Variants in ADGRA3 observed in about 807,000 individuals in gnomAD.
The protein encoded by ADGRA3 is G-protein coupled receptor 125.
A neutral mutation model predicts 119.8 loss-of-function variants in ADGRA3; 56 were observed. The observed-to-expected ratio is 0.47, with a 90% CI of 0.38 to 0.58. ADGRA3 has a LOEUF of 0.58. Ranked by LOEUF, ADGRA3 falls within the 20% of genes least tolerant of loss-of-function variation. ADGRA3 has a pLI of 0.00. For synonymous variants in ADGRA3, 607 were observed against 623.8 expected (o/e 0.97, Z 0.40); for missense variants, 1,516 against 1,649.0 (o/e 0.92, Z 1.40).
chr4:22,417,656 C>T (rs1715482996), intron 12 of ADGRA3, among the ~76,000 whole-genome samples: 1 of 152,140 alleles, frequency 6.6e-6, no homozygotes, highest in Non-Finnish European at 1.5e-5. Flanking sequence ...CATATGGCCT[C>T]TCATTGCAGC....
chr4:22,406,768 G>A (rs1468268030), intron 14 of ADGRA3, among the ~76,000 whole-genome samples: 1 of 152,124 alleles, frequency 6.6e-6, no homozygotes, highest in Non-Finnish European at 1.5e-5. Flanking sequence ...CTAGGGAAAA[G>A]CATAGTATAA....
chr4:22,491,856 A>C (rs1199100888), intron 1 of ADGRA3, among the ~76,000 whole-genome samples: 1 of 152,198 alleles, frequency 6.6e-6, no homozygotes, highest in Non-Finnish European at 1.5e-5. Context: ...CAAGTATGAG[A>C]ATAATTTTTT....
chr4:22,432,471 C>T (rs116338226), intron 10 of ADGRA3, among the ~76,000 whole-genome samples: 612 of 152,018 alleles, frequency 4.0e-3, no homozygotes, highest in African/African-American at 0.013. Flanking sequence ...AATACAGAAG[C>T]GATGACACTT....
chr4:22,464,944 C>T (rs1320325403), intron 2 of ADGRA3, among the ~76,000 whole-genome samples: 3 of 152,154 alleles, frequency 2.0e-5, no homozygotes, highest in African/African-American at 7.2e-5. Context: ...ACTGAAAGCT[C>T]ACCTGGGGAC....
chr4:22,395,742 AG>A (rs1560294819), intron 16 of ADGRA3, among the ~76,000 whole-genome samples: 1 of 152,216 alleles, frequency 6.6e-6, no homozygotes, highest in African/African-American at 2.4e-5. Flanking sequence ...CTAGTGACTT[AG>A]GGAAGTTATT....
intron 1 of ADGRA3, chr4:22,514,508 C>CT (rs1237274884): frequency 6.6e-6 from 1 of 152,166 alleles, no homozygotes; most frequent in Non-Finnish European, 1.5e-5. Context: ...TAAAACCATA[C>CT]TTTAAGTGTT....
rs114895475 is a variant in ADGRA3, at chr4:22,447,507, G to A, written c.478C>T (p.Leu160Phe). ...RGLTNLVRLN[L>F]SGNLFSSLSQ... ...AATGAAGAAAACAAATTCCCCGAAAGGTTTCTGAAAGACAGAAAACAATTT... is the reference window on the plus strand; with the variant it reads ...AATGAAGAAAACAAATTCCCCGAAAAGTTTCTGAAAGACAGAAAACAATTT... Residue 160 changes from leucine to phenylalanine, a missense_variant, in exon 5 of 19, where the codon CTT becomes TTT. By Grantham distance (22) the Leu-to-Phe change is conservative (BLOSUM62 0). Transcript: ENST00000334304. 1 of 1,557,832 alleles carries A rather than the reference G, an allele frequency of 6.4e-7. No homozygotes were observed. The highest frequency in any genetic ancestry group is 1.9e-5 in the Admixed American group (1 of 52,926).
intron 4 of ADGRA3, among the ~76,000 whole-genome samples, chr4:22,447,899 T>G (rs1286240952): frequency 6.6e-6 from 1 of 152,026 alleles, no homozygotes; most frequent in Non-Finnish European, 1.5e-5. Flanking sequence ...ATTAAAACTT[T>G]AAAAAATAAC....
Position 22,393,323 on chromosome 4 carries a change from G to A in ADGRA3, c.2482-633C>T, listed in dbSNP as rs141333087. ...ATTACAGGCATGAGCCACCATGCCC[G>A]GCCTAGAGTCCATTTTCTAACATTC... is the stretch of plus-strand genomic sequence containing the variant. On this transcript the variant is annotated intron_variant, in intron 16 of 18. Coordinates refer to ENST00000334304, the MANE Select transcript of ADGRA3 (RefSeq NM_145290.4). 6.7e-3 allele frequency: 1,025 copies of A among 152,424 alleles called. 9 individuals are homozygous for A. Among genetic ancestry groups the A allele is most frequent in the South Asian group, 0.011 (55 of 4,824 alleles). The allele number at this position is 152,424 out of a possible 1,614,324, so 9.4% of individuals were successfully genotyped here.
chr4:22,440,057 A>T (rs1716551501), intron 7 of ADGRA3, among the ~76,000 whole-genome samples: 3 of 152,158 alleles, frequency 2.0e-5, no homozygotes, highest in Admixed American at 2.0e-4. Flanking sequence ...AATTAATCTA[A>T]CCTCAGATTC....
chr4:22,403,827 CACTG>C (rs1285026215), intron 14 of ADGRA3, among the ~76,000 whole-genome samples: 1 of 152,140 alleles, frequency 6.6e-6, no homozygotes, highest in Non-Finnish European at 1.5e-5. Flanking sequence ...ACAATCTAGG[CACTG>C]ACTGTGTCCA....
intron 12 of ADGRA3, among the ~76,000 whole-genome samples, chr4:22,419,281 A>C (rs1424580039): frequency 6.6e-6 from 1 of 152,144 alleles, no homozygotes; most frequent in Non-Finnish European, 1.5e-5. Context: ...AAAGAGCAAA[A>C]ACTGCCCTAG....
intron 14 of ADGRA3, among the ~76,000 whole-genome samples, chr4:22,406,410 T>C (rs1714928588): frequency 1.3e-5 from 2 of 152,244 alleles, no homozygotes; most frequent in Admixed American, 6.5e-5. Context: ...CTACTTTCTA[T>C]AATTATTGTA....
intron 2 of ADGRA3, among the ~76,000 whole-genome samples, chr4:22,465,481 T>C (rs1717621912): frequency 6.6e-6 from 1 of 152,150 alleles, no homozygotes; most frequent in South Asian, 2.1e-4. Context: ...GTTGCTACAA[T>C]CTGAAGAAGC....
At chr4:22,462,304 TTTGTTG>T (rs540842421) in intron 2 of ADGRA3, among the ~76,000 whole-genome samples, 6 of 151,908 alleles carry the variant, frequency 3.9e-5, no homozygotes, top group African/African-American at 9.7e-5. Flanking sequence ...TTTGGGGTTT[TTTGTTG>T]TTGTTGTTGT....
chr4:22,405,115 A>G (rs1213824078), intron 14 of ADGRA3, among the ~76,000 whole-genome samples: 1 of 152,192 alleles, frequency 6.6e-6, no homozygotes, highest in African/African-American at 2.4e-5. Context: ...AAAGGTGGTA[A>G]AAGTGCATCC....
chr4:22,452,863 T>C (rs532147566), intron 4 of ADGRA3, among the ~76,000 whole-genome samples: 30 of 152,196 alleles, frequency 2.0e-4, no homozygotes, highest in African/African-American at 7.2e-4. Flanking sequence ...AAAAGCCTAC[T>C]TCACAGATGT....
At chr4:22,499,442 C>T (rs1423557014) in intron 1 of ADGRA3, among the ~76,000 whole-genome samples, 2 of 152,190 alleles carry the variant, frequency 1.3e-5, no homozygotes, top group Non-Finnish European at 2.9e-5. Context: ...CTTCCATTCA[C>T]AGTCTCATGC....
At chr4:22,398,112 G>A in intron 16 of ADGRA3, 1 of 985,318 alleles carries the variant, frequency 1.0e-6, no homozygotes, top group Non-Finnish European at 1.2e-6. Flanking sequence ...CTTGTAGGCA[G>A]TTTGTTTACA....
Sources: allele counts gnomAD v4.1 joint callset (sites outside exome capture counted in the v4.1 genomes callset), GRCh38; gene constraint gnomAD v4.1.1; transcripts MANE v1.5; gene names NCBI Gene and HGNC (gene_info 2026-07-23, HGNC 2026-07-21).